Variants in FHIT observed in about 807,000 individuals in gnomAD.
FHIT encodes the protein fragile histidine triad diadenosine triphosphatase.
FHIT carries 19 observed loss-of-function variants against 17.9 expected under a neutral mutation model. The ratio of observed to expected loss-of-function variants is 1.06; its 90% CI spans 0.74 to 1.56. The LOEUF is 1.56. FHIT is among the 40% of genes most tolerant of loss of function. FHIT has a pLI of 0.00. For synonymous variants in FHIT, 81 were observed against 69.7 expected (o/e 1.16, Z -0.81); for missense variants, 248 against 189.2 (o/e 1.31, Z -1.82).
At chr3:60,559,995 G>T (rs758197829) in intron 4 of FHIT, among the ~76,000 whole-genome samples, 1 of 152,018 alleles carries the variant, frequency 6.6e-6, no homozygotes, top group Admixed American at 6.6e-5. Context: ...AACAAGTCAA[G>T]TACAGATGTT....
intron 2 of FHIT, among the ~76,000 whole-genome samples, chr3:61,150,948 C>A (rs2037369251): frequency 6.6e-6 from 1 of 152,170 alleles, no homozygotes; most frequent in South Asian, 2.1e-4. Flanking sequence ...TCATGGAAAG[C>A]ATTTTTTTTA....
At chr3:59,758,059 C>CCAT (rs1290613454) in intron 8 of FHIT, among the ~76,000 whole-genome samples, 2 of 152,190 alleles carry the variant, frequency 1.3e-5, no homozygotes, top group African/African-American at 4.8e-5. Flanking sequence ...ACTAGAAGTT[C>CCAT]CATCAAAGTG....
At chr3:60,508,993 T>C (rs1246915411) in intron 5 of FHIT, among the ~76,000 whole-genome samples, 1 of 152,162 alleles carries the variant, frequency 6.6e-6, no homozygotes, top group Non-Finnish European at 1.5e-5. Context: ...TAGACCCACA[T>C]AGTACATATC....
In FHIT at chr3:60,878,850, T is replaced by C. The variant is rs1297710883; in HGVS notation, c.-110-56839A>G. ...TTTTTTATGGCTGCATAGTATTCCA[T>C]GGTGTATATGTGTCACATTTTCTTA... On this transcript the variant is annotated intron_variant, in intron 3 of 9. Transcript: ENST00000492590. 2.6e-5 allele frequency among the ~76,000 whole-genome samples: 4 copies of C among 152,326 alleles called. No individual in the cohort carries two copies. The South Asian group carries it at 8.3e-4, about 32-fold the overall frequency.
intron 3 of FHIT, among the ~76,000 whole-genome samples, chr3:60,840,272 A>G (rs1408532054): frequency 2.6e-5 from 4 of 152,212 alleles, no homozygotes; most frequent in African/African-American, 9.6e-5. Context: ...TTCCTTTGCT[A>G]ATAAAGATGA....
At chr3:59,810,542 G>A (rs1000422633) in intron 8 of FHIT, among the ~76,000 whole-genome samples, 5 of 152,186 alleles carry the variant, frequency 3.3e-5, no homozygotes, top group African/African-American at 9.6e-5. Flanking sequence ...TACCAAACGA[G>A]TACATTTTCT....
intron 5 of FHIT, among the ~76,000 whole-genome samples, chr3:60,317,799 T>A (rs1374955141): frequency 6.6e-6 from 1 of 150,662 alleles, no homozygotes; most frequent in Non-Finnish European, 1.5e-5. Context: ...TTTTTTTTTT[T>A]TTTTATTTTG....
chr3:61,106,595 A>G (rs1035247748), intron 2 of FHIT, among the ~76,000 whole-genome samples: 2 of 152,236 alleles, frequency 1.3e-5, no homozygotes, highest in African/African-American at 4.8e-5. Flanking sequence ...ATTTTAAAAT[A>G]TGTATGCATT....
intron 4 of FHIT, among the ~76,000 whole-genome samples, chr3:60,810,810 G>A (rs1701550025): frequency 6.6e-6 from 1 of 152,236 alleles, no homozygotes; most frequent in Admixed American, 6.5e-5. Context: ...TGATTTCACA[G>A]TACATGAATT....
chr3:59,757,650 CTACTT>C, intron 8 of FHIT, among the ~76,000 whole-genome samples: 1 of 152,262 alleles, frequency 6.6e-6, no homozygotes, highest in African/African-American at 2.4e-5. Flanking sequence ...CGGGGGAAAA[CTACTT>C]TAATGCTCTT....
At chr3:60,422,660 G>A (rs1458103672) in intron 5 of FHIT, among the ~76,000 whole-genome samples, 1 of 152,072 alleles carries the variant, frequency 6.6e-6, no homozygotes, top group Non-Finnish European at 1.5e-5. Context: ...ACATAAAAAT[G>A]GCTTTCATTT....
intron 5 of FHIT, among the ~76,000 whole-genome samples, chr3:60,327,920 G>A (rs1439140229): frequency 2.0e-5 from 3 of 152,210 alleles, no homozygotes; most frequent in Non-Finnish European, 4.4e-5. Context: ...ACAAGAGCAA[G>A]AGCAGGAGGT....
chr3:60,941,795 T>A (rs535318465), intron 3 of FHIT, among the ~76,000 whole-genome samples: 1 of 152,298 alleles, frequency 6.6e-6, no homozygotes, highest in African/African-American at 2.4e-5. Flanking sequence ...ATATATCATT[T>A]TCTTTCTGCT....
chr3:61,190,717 G>A (rs2038686824), intron 2 of FHIT, among the ~76,000 whole-genome samples: 1 of 152,164 alleles, frequency 6.6e-6, no homozygotes, highest in South Asian at 2.1e-4. Context: ...TTAAGAAAAT[G>A]TGGCATATAT....
At chr3:61,199,225 T>C (rs1331529769) in intron 2 of FHIT, among the ~76,000 whole-genome samples, 1 of 152,174 alleles carries the variant, frequency 6.6e-6, no homozygotes, top group African/African-American at 2.4e-5. Flanking sequence ...ACTGTGCCTG[T>C]GTGGAAACAT....
At chr3:60,549,264 T>A (rs562217485) in intron 4 of FHIT, among the ~76,000 whole-genome samples, 1 of 152,174 alleles carries the variant, frequency 6.6e-6, no homozygotes, top group Non-Finnish European at 1.5e-5. Flanking sequence ...GTGACTACTA[T>A]CTCTCCATAT....
At chr3:60,531,334 A>G (rs970661034) in intron 5 of FHIT, among the ~76,000 whole-genome samples, 1 of 132,316 alleles carries the variant, frequency 7.6e-6, no homozygotes, top group South Asian at 2.3e-4. Context: ...GCTGGAGTGC[A>G]GTGGTGCGAT....
intron 4 of FHIT, among the ~76,000 whole-genome samples, chr3:60,560,142 C>T (rs1477582039): frequency 6.6e-6 from 1 of 152,018 alleles, no homozygotes; most frequent in Non-Finnish European, 1.5e-5. Flanking sequence ...TTGTAGGTTC[C>T]ATTTGGGGGC....
chr3:60,072,279 T>A (rs1702809238), intron 5 of FHIT, among the ~76,000 whole-genome samples: 1 of 152,150 alleles, frequency 6.6e-6, no homozygotes, highest in East Asian at 1.9e-4. Flanking sequence ...CCCTTTATAT[T>A]TAGAATGGCT....
Sources: gnomAD v4.1 joint callset for allele counts (sites outside exome capture counted in the v4.1 genomes callset) on GRCh38, gnomAD v4.1.1 for gene constraint, MANE v1.5 for transcripts, NCBI Gene and HGNC (gene_info 2026-07-23, HGNC 2026-07-21) for gene names.